The following ABLIM2 variants were observed in gnomAD, a reference collection of about 807,000 sequenced individuals.
ABLIM2 encodes the protein actin binding LIM protein family member 2.
A neutral mutation model predicts 97.7 loss-of-function variants in ABLIM2; 53 were observed. The observed-to-expected ratio is 0.54, with a 90% CI of 0.44 to 0.68. ABLIM2 has a LOEUF of 0.68. Among genes scored for constraint, ABLIM2 ranks in the 30% least tolerant of loss-of-function variants. The pLI is 0.00. For missense variants in ABLIM2, 835 were observed against 867.2 expected (o/e 0.96, Z 0.47); for synonymous variants, 361 against 345.8 (o/e 1.04, Z -0.49).
rs149818585 is a variant in ABLIM2 at position 8,132,129 on chromosome 4, C to T, written c.11-25492G>A. Among the ~76,000 whole-genome samples, 2 of 152,102 alleles carry T rather than the reference C, an allele frequency of 1.3e-5. No homozygotes were observed. The highest frequency in any genetic ancestry group is 2.9e-5 in the Non-Finnish European group (2 of 67,998). ...TACTAGCGGGATGGCTCAAGTGGCA[C>T]AGGAACGACCTGGTTGGAAAGGAAA... On this transcript the variant is annotated intron_variant, in intron 1 of 20. Coordinates refer to ENST00000447017, the MANE Select transcript of ABLIM2 (RefSeq NM_001130083.2). The surrounding 1 kb of genome is among the most constrained non-coding windows in gnomAD (Gnocchi z 8.0).
chr4:8,089,732 CAA>C (rs58396378), intron 3 of ABLIM2, among the ~76,000 whole-genome samples: 21,994 of 85,916 alleles, frequency 0.26, 1,080 homozygotes, highest in Middle Eastern at 0.37. Flanking sequence ...AGATTCATAT[CAA>C]AAAAAAAAAA....
intron 1 of ABLIM2, among the ~76,000 whole-genome samples, chr4:8,135,747 C>A (rs139333552): frequency 6.6e-5 from 10 of 152,232 alleles, no homozygotes; most frequent in African/African-American, 2.4e-4. Flanking sequence ...ACGCGGGTTC[C>A]GAAGGACTCG....
chr4:8,028,391 T>C (rs769353068), intron 11 of ABLIM2, among the ~76,000 whole-genome samples: 1 of 152,212 alleles, frequency 6.6e-6, no homozygotes. Context: ...GCTCACTCAC[T>C]CACTCATTTA....
Position 8,150,515 on chromosome 4 carries a change from G to A in ABLIM2, c.10+8165C>T, listed in dbSNP as rs1712292336. Among the ~76,000 whole-genome samples, 1 of 152,186 alleles carries A rather than the reference G, an allele frequency of 6.6e-6. No homozygotes were observed. ...GAGCACTTTTCTTGGTGCGCTGGCTGGACTCACATTTCCAGATCGTCTCTC... is the reference window on the plus strand; with the variant it reads ...GAGCACTTTTCTTGGTGCGCTGGCTAGACTCACATTTCCAGATCGTCTCTC... On this transcript the variant is annotated intron_variant, in intron 1 of 20. Transcript: ENST00000447017. The surrounding 1 kb of genome is among the most constrained non-coding windows in gnomAD (Gnocchi z 6.3).
intron 4 of ABLIM2, among the ~76,000 whole-genome samples, chr4:8,086,055 T>A (rs910392591): frequency 5.3e-5 from 8 of 152,176 alleles, no homozygotes; most frequent in Non-Finnish European, 1.2e-4. Flanking sequence ...CTGGGAAGAC[T>A]GCAGACATCC....
intron 3 of ABLIM2, among the ~76,000 whole-genome samples, chr4:8,090,330 C>G (rs1042247638): frequency 6.6e-6 from 1 of 152,204 alleles, no homozygotes; most frequent in African/African-American, 2.4e-5. Context: ...TACTCAGCCT[C>G]TCTGAAACAC....
intron 9 of ABLIM2, among the ~76,000 whole-genome samples, chr4:8,036,572 G>A (rs141087505): frequency 2.3e-4 from 35 of 152,286 alleles, no homozygotes; most frequent in African/African-American, 8.4e-4. Context: ...AAATGGGGAC[G>A]GGGTCAAAAG....
At chr4:8,110,094 C>T (rs561830203) in intron 1 of ABLIM2, among the ~76,000 whole-genome samples, 4 of 152,346 alleles carry the variant, frequency 2.6e-5, no homozygotes, top group East Asian at 1.9e-4. Context: ...CTCTCGGCCA[C>T]GCATGGCCCA....
Position 8,130,469 on chromosome 4 carries a change from C to T in ABLIM2, c.11-23832G>A, listed in dbSNP as rs933883775. Reference sequence around the variant, plus strand: ...TGGCAGGGAGAGTGGACGCCGGCGCCGGGCACTGATCTGGGCCTTTCCACA... The same window carrying T: ...TGGCAGGGAGAGTGGACGCCGGCGCTGGGCACTGATCTGGGCCTTTCCACA... On this transcript the variant is annotated intron_variant, in intron 1 of 20. Coordinates refer to ENST00000447017, the MANE Select transcript of ABLIM2 (RefSeq NM_001130083.2). The surrounding 1 kb of genome is among the most constrained non-coding windows in gnomAD (Gnocchi z 4.2). Among the ~76,000 whole-genome samples, 2 of 152,166 alleles carry T rather than the reference C, an allele frequency of 1.3e-5. No homozygotes were observed. Among genetic ancestry groups the T allele is most frequent in the African/African-American group, 4.8e-5 (2 of 41,442 alleles).
rs199739696 is a variant in ABLIM2 at position 8,080,689 on chromosome 4, C to A, written c.568G>T (p.Glu190Ter). The change falls in exon 5 of 21, where the codon GAG (glutamate) becomes TAG (stop). Residue 190 changes from glutamate (E) to a stop codon, truncating the protein, a stop_gained. Transcript: ENST00000447017. LOFTEE classifies it high-confidence loss of function. ...CKSCGKLLNA[E>*]YISKDGLPYC... ...CCCCCCACTTACTTGCTGATGTACT[C>A]GGCATTCAGGAGCTTCCCACAGCTC... The A allele has an allele frequency of 6.2e-7, 1 of 1,607,508 alleles. No individual in the cohort carries two copies. The highest frequency in any genetic ancestry group is 1.7e-5 in the Admixed American group (1 of 59,630).
Position 8,061,087 on chromosome 4 carries a change from C to G in ABLIM2, c.676-33G>C, listed in dbSNP as rs779370843. ...AAAAGCACAAAGCAGAATGTTTCTA[C>G]TAAAGCCAGAAAGGTCGGCTGGGTC... is the stretch of plus-strand genomic sequence containing the variant. On this transcript the variant is annotated intron_variant, in intron 6 of 20. Coordinates refer to ENST00000447017, the MANE Select transcript of ABLIM2 (RefSeq NM_001130083.2). This position sits in a 1 kb window ranked among gnomAD's most constrained non-coding sequence, Gnocchi z 4.5. 1.9e-6 allele frequency: 3 copies of G among 1,555,590 alleles called. No individual in the cohort carries two copies. The South Asian group carries it at 3.6e-5, about 18-fold the overall frequency.
chr4:8,112,890 T>C lies in ABLIM2; in HGVS notation c.11-6253A>G, dbSNP rs1245421491. ...CTGGGCTGCAAACCATGTGTTCACT[T>C]GTTCAACAGACACGGGAGCAGACGC... On this transcript the variant is annotated intron_variant, in intron 1 of 20. Coordinates refer to ENST00000447017, the MANE Select transcript of ABLIM2 (RefSeq NM_001130083.2). This position sits in a 1 kb window ranked among gnomAD's most constrained non-coding sequence, Gnocchi z 4.2. Among the ~76,000 whole-genome samples the C allele has an allele frequency of 6.6e-6, 1 of 152,124 alleles. No homozygotes were observed. Among genetic ancestry groups the C allele is most frequent in the African/African-American group, 2.4e-5 (1 of 41,426 alleles).
chr4:8,047,917 T>C (rs1793602993), intron 8 of ABLIM2, among the ~76,000 whole-genome samples: 2 of 152,230 alleles, frequency 1.3e-5, no homozygotes. Context: ...TTGGGTGTTT[T>C]AGAAGAAAGA....
intron 3 of ABLIM2, among the ~76,000 whole-genome samples, 167 bp from the exon 4 acceptor site, chr4:8,088,451 C>A (rs533755302): frequency 6.6e-6 from 1 of 152,184 alleles, no homozygotes; most frequent in Non-Finnish European, 1.5e-5. Flanking sequence ...ACTGCTGCGT[C>A]CCCGCAATAG....
Position 8,056,112 on chromosome 4 carries a change from C to CAAAAAAAAAAAA in ABLIM2, c.764-1878_764-1867dup, listed in dbSNP as rs60992903. Among the ~76,000 whole-genome samples, 333 of 68,246 alleles carry CAAAAAAAAAAAA rather than the reference C, an allele frequency of 4.9e-3. 11 individuals are homozygous for CAAAAAAAAAAAA. The highest frequency in any genetic ancestry group is 0.011 in the East Asian group (33 of 3,132). The allele number at this position is 68,246 out of a possible 152,430, so 44.8% of individuals were successfully genotyped here. On this transcript the variant is annotated intron_variant, in intron 7 of 20. Coordinates refer to ENST00000447017, the MANE Select transcript of ABLIM2 (RefSeq NM_001130083.2). ...TGGGTAACAGAGCAAGACTCTGTCT[C>CAAAAAAAAAAAA]AAAAAAAAAAAAAAAAAAAAAAAAA...
In ABLIM2 at chr4:8,087,588, G is replaced by A. The variant is rs1824528776; in HGVS notation, c.454+581C>T. On this transcript the variant is annotated intron_variant, in intron 4 of 20. Transcript: ENST00000447017. This position sits in a 1 kb window ranked among gnomAD's most constrained non-coding sequence, Gnocchi z 4.6. ...GGAATTAACAGAGGGGAGCTGAGGG[G>A]AGTGAATGCCAGAGGGAGAGGACCT... 6.6e-6 allele frequency among the ~76,000 whole-genome samples: 1 copy of A among 152,222 alleles called. No homozygotes were observed.
intron 12 of ABLIM2, chr4:8,020,671 C>T (rs767603686): frequency 3.3e-6 from 1 of 302,984 alleles, no homozygotes; most frequent in African/African-American, 2.2e-5. Flanking sequence ...AAAGGCCCCT[C>T]TTCCTAATTA....
chr4:7,987,983 A>T (rs988325975), intron 17 of ABLIM2, among the ~76,000 whole-genome samples: 2 of 152,130 alleles, frequency 1.3e-5, no homozygotes, highest in Non-Finnish European at 2.9e-5. Context: ...CAGGGATTTT[A>T]AAAGCAACAA....
intron 18 of ABLIM2, 34 bp downstream of exon 18, chr4:7,984,805 A>G (rs1476310618): frequency 6.4e-7 from 1 of 1,561,462 alleles, no homozygotes; most frequent in African/African-American, 1.4e-5. Flanking sequence ...CCCCTGCCCC[A>G]GCCAGAGACC....
Sources: allele counts gnomAD v4.1 joint callset (sites outside exome capture counted in the v4.1 genomes callset), GRCh38; gene constraint gnomAD v4.1.1; non-coding constraint Gnocchi (gnomAD v3.1); transcripts MANE v1.5; gene names NCBI Gene and HGNC (gene_info 2026-07-23, HGNC 2026-07-21).